Variants in PCDH9 observed in about 807,000 individuals in gnomAD.
PCDH9 encodes protocadherin-9.
Under a neutral mutation model 70.6 loss-of-function variants are expected in PCDH9, and 24 were observed. The ratio of observed to expected loss-of-function variants is 0.34; its 90% CI spans 0.25 to 0.48. PCDH9 has a LOEUF of 0.48. PCDH9 is among the 20% of genes least tolerant of loss of function. The pLI, the probability that PCDH9 is intolerant of heterozygous loss-of-function variation, is 0.99. For synonymous variants in PCDH9, 562 were observed against 558.5 expected (o/e 1.01, Z -0.09); for missense variants, 1,281 against 1,503.6 (o/e 0.85, Z 2.45).
intron 4 of PCDH9, among the ~76,000 whole-genome samples, chr13:66,441,768 A>T (rs1439056368): frequency 6.6e-6 from 1 of 152,232 alleles, no homozygotes; most frequent in South Asian, 2.1e-4. Flanking sequence ...AAGGAAAAGG[A>T]TAATTCTTGG....
chr13:67,052,738 A>G (rs767989295), intron 2 of PCDH9, among the ~76,000 whole-genome samples: 12 of 152,094 alleles, frequency 7.9e-5, no homozygotes, highest in Admixed American at 5.9e-4. Context: ...ATATAAATTC[A>G]TGAGATATGT....
intron 2 of PCDH9, among the ~76,000 whole-genome samples, chr13:66,994,896 TC>T (rs1356480636): frequency 2.0e-5 from 3 of 152,250 alleles, no homozygotes; most frequent in African/African-American, 7.2e-5. Context: ...TGTGCATTCA[TC>T]TTTTAAAACT....
intron 4 of PCDH9, among the ~76,000 whole-genome samples, chr13:66,614,576 A>C (rs2077333145): frequency 6.6e-6 from 1 of 152,168 alleles, no homozygotes; most frequent in Non-Finnish European, 1.5e-5. Flanking sequence ...CTTCTGAAAA[A>C]TCAAACTTCA....
intron 4 of PCDH9, among the ~76,000 whole-genome samples, chr13:66,403,210 G>T (rs956889727): frequency 2.1e-4 from 32 of 151,840 alleles, no homozygotes; most frequent in African/African-American, 7.7e-4. Context: ...CACAATCACA[G>T]CTCACTGCAA....
chr13:66,568,446 C>CACACAT (rs2076683588), intron 4 of PCDH9, among the ~76,000 whole-genome samples: 2 of 150,040 alleles, frequency 1.3e-5, no homozygotes, highest in Non-Finnish European at 3.0e-5. Context: ...CGCACACACA[C>CACACAT]ACACATACAC....
chr13:66,682,385 TATCTATCTATCTATC>T (rs1037599560), intron 3 of PCDH9, among the ~76,000 whole-genome samples: 5 of 110,838 alleles, frequency 4.5e-5, no homozygotes, highest in African/African-American at 1.8e-4. Flanking sequence ...TCTATCTATC[TATCTATCTATCTATC>T]ATCTATCATC....
At chr13:66,950,745 G>A (rs1350643596) in intron 2 of PCDH9, among the ~76,000 whole-genome samples, 1 of 152,038 alleles carries the variant, frequency 6.6e-6, no homozygotes, top group Non-Finnish European at 1.5e-5. Context: ...AAAACAAATA[G>A]GTGATCATGT....
chr13:66,511,816 G>A (rs953437480), intron 4 of PCDH9, among the ~76,000 whole-genome samples: 5 of 152,216 alleles, frequency 3.3e-5, no homozygotes, highest in Admixed American at 2.6e-4. Flanking sequence ...CTTCTGCCAT[G>A]ATTGGAAGCT....
At position 66,372,179 on chromosome 13, in the gene PCDH9, T is replaced by C. The variant is rs146475393; in HGVS notation, c.3341-67151A>G. On this transcript the variant is annotated intron_variant, in intron 4 of 4. Coordinates refer to ENST00000377865, the MANE Select transcript of PCDH9 (RefSeq NM_203487.3). ...GCACCATCTGCCCTCAAGTTGTAGTTTGGAAACTAAATCTTGTATAAAAAT... is the reference window on the plus strand; with the variant it reads ...GCACCATCTGCCCTCAAGTTGTAGTCTGGAAACTAAATCTTGTATAAAAAT... Among the ~76,000 whole-genome samples, 127 of 151,812 alleles carry C rather than the reference T, an allele frequency of 8.4e-4. 1 individual carries two copies. In the East Asian group the frequency reaches 0.021, roughly 25 times the overall value.
intron 4 of PCDH9, among the ~76,000 whole-genome samples, chr13:66,325,533 T>C (rs188153328): frequency 6.6e-5 from 10 of 152,238 alleles, no homozygotes; most frequent in Non-Finnish European, 1.2e-4. Context: ...AGGTTAAATT[T>C]CTGATTTTCT....
chr13:66,672,338 G>A (rs892387253), intron 3 of PCDH9, among the ~76,000 whole-genome samples: 15 of 152,242 alleles, frequency 9.9e-5, no homozygotes, highest in Admixed American at 9.8e-4. Context: ...CATTGGGCCT[G>A]TGGGTGCACA....
chr13:66,309,569 A>T (rs909869014), intron 4 of PCDH9, among the ~76,000 whole-genome samples: 2 of 151,928 alleles, frequency 1.3e-5, no homozygotes, highest in African/African-American at 4.8e-5. Context: ...GTTCTCCATA[A>T]ATATACAGGG....
chr13:66,846,026 TAGAG>T lies in PCDH9; in HGVS notation c.3138+57474_3138+57477del, dbSNP rs1434679581. Among the ~76,000 whole-genome samples the T allele has an allele frequency of 3.3e-5, 5 of 151,436 alleles. No homozygotes were observed. In the East Asian group the frequency reaches 9.7e-4, roughly 29 times the overall value. On this transcript the variant is annotated intron_variant, in intron 3 of 4. Transcript: ENST00000377865. Reference sequence around the variant, plus strand: ...TAGCTGATAATGTCATCCATGTATTTAGAGAGTTTAAAATATGGATTATCAACAA... The same window carrying T: ...TAGCTGATAATGTCATCCATGTATTTAGTTTAAAATATGGATTATCAACAA...
intron 2 of PCDH9, among the ~76,000 whole-genome samples, chr13:67,095,766 A>C (rs2138224637): frequency 6.6e-6 from 1 of 152,302 alleles, no homozygotes; most frequent in Admixed American, 6.5e-5. Flanking sequence ...TCCCAACTAC[A>C]TAAATATAAA....
chr13:66,880,614 T>C (rs981451959), intron 3 of PCDH9, among the ~76,000 whole-genome samples: 3 of 152,156 alleles, frequency 2.0e-5, no homozygotes, highest in Non-Finnish European at 4.4e-5. Context: ...TTTTCTAGTC[T>C]CAATATGAAT....
chr13:66,770,759 G>T (rs952825203), intron 3 of PCDH9, among the ~76,000 whole-genome samples: 7 of 152,116 alleles, frequency 4.6e-5, no homozygotes, highest in African/African-American at 1.4e-4. Context: ...TTCCTGTTCT[G>T]GCAAACTCTT....
chr13:66,470,602 C>A (rs565318343), intron 4 of PCDH9, among the ~76,000 whole-genome samples: 4 of 151,770 alleles, frequency 2.6e-5, no homozygotes, highest in Non-Finnish European at 4.4e-5. Flanking sequence ...ACAAACATTT[C>A]TCTGTTGTCT....
At chr13:66,746,723 T>C (rs2139215645) in intron 3 of PCDH9, among the ~76,000 whole-genome samples, 1 of 152,294 alleles carries the variant, frequency 6.6e-6, no homozygotes, top group East Asian at 1.9e-4. Flanking sequence ...ATCAAACTTC[T>C]TCAAGAATAA....
At chr13:67,026,326 C>T (rs2084780549) in intron 2 of PCDH9, among the ~76,000 whole-genome samples, 2 of 152,052 alleles carry the variant, frequency 1.3e-5, no homozygotes, top group Non-Finnish European at 2.9e-5. Flanking sequence ...TGTGTCTCTG[C>T]CCGGCTTTGG....
Sources: allele counts gnomAD v4.1 joint callset (sites outside exome capture counted in the v4.1 genomes callset), GRCh38; gene constraint gnomAD v4.1.1; transcripts MANE v1.5; gene names NCBI Gene and HGNC (gene_info 2026-07-23, HGNC 2026-07-21).